FER1L6: variants seen among roughly 807,000 people sequenced by gnomAD.
FER1L6 encodes the protein fer-1 like family member 6.
A neutral mutation model predicts 219.2 loss-of-function variants in FER1L6; 177 were observed. The observed-to-expected ratio is 0.81, with a 90% confidence interval of 0.71 to 0.91. FER1L6 has a LOEUF of 0.91. Ranked by LOEUF, FER1L6 falls within the 40% of genes least tolerant of loss-of-function variation. The probability of loss-of-function intolerance (pLI) is 0.00; values close to 1 mark genes in which losing one functional copy is unlikely to be tolerated. For synonymous variants in FER1L6, 768 were observed against 824.3 expected (o/e 0.93, Z 1.17); for missense variants, 2,153 against 2,259.9 (o/e 0.95, Z 0.96).
At chr8:124,021,517 G>C in intron 16 of FER1L6, 33 bp from the exon 17 acceptor site, 1 of 1,610,934 alleles carries the variant, frequency 6.2e-7, no homozygotes, top group Non-Finnish European at 8.5e-7. Flanking sequence ...CAGATCTCTC[G>C]AAAGACCCAC....
At chr8:124,040,845 A>C (rs1819456363) in intron 20 of FER1L6, 1 of 152,214 alleles carries the variant, frequency 6.6e-6, no homozygotes, top group Non-Finnish European at 1.5e-5. Flanking sequence ...TTGTGAAGGC[A>C]GATCCTTTAT....
chr8:124,027,841 C>T (rs533456810), intron 18 of FER1L6, among the ~76,000 whole-genome samples: 11 of 152,268 alleles, frequency 7.2e-5, no homozygotes, highest in African/African-American at 1.2e-4. Context: ...AGATTACAGA[C>T]GAGAGCCATT....
At chr8:123,988,597 G>C (rs144197923) in intron 12 of FER1L6, among the ~76,000 whole-genome samples, 2,557 of 152,180 alleles carry the variant, frequency 0.017, 65 homozygotes, top group East Asian at 0.049. Flanking sequence ...TTGTAAATGG[G>C]ATTACTTTCT....
chr8:123,933,377 T>C (rs954978686), intron 1 of FER1L6, among the ~76,000 whole-genome samples: 1 of 128,802 alleles, frequency 7.8e-6, no homozygotes. Flanking sequence ...CATATGTGTG[T>C]CTGTGTGTGT....
chr8:123,991,955 G>A lies in FER1L6; in HGVS notation c.1519+5779G>A, dbSNP rs185867453. Among the ~76,000 whole-genome samples the A allele has an allele frequency of 9.9e-5, 15 of 151,974 alleles. No homozygotes were observed. The East Asian group carries it at 2.9e-3, about 29-fold the overall frequency. ...ATTGAATGCTTTTGCTGCATCTTTT[G>A]AGATGATCATATGGTTTTTAATTCT... On this transcript the variant is annotated intron_variant, in intron 12 of 40. Coordinates refer to ENST00000522917, the MANE Select transcript of FER1L6 (RefSeq NM_001039112.2).
Position 124,075,956 on chromosome 8 carries a change from C to A in FER1L6, c.4093-242C>A, listed in dbSNP as rs1417936688. On this transcript the variant is annotated intron_variant, in intron 31 of 40. Transcript: ENST00000522917. The stretch of plus-strand genomic sequence containing the variant: ...GACTCCAGAGAAAGTTGCACTTGGG[C>A]AAAGCCAATAATTTTTCTTTTTAGC... 5.3e-5 allele frequency among the ~76,000 whole-genome samples: 8 copies of A among 152,282 alleles called. No individual in the cohort carries two copies. In the East Asian group the frequency reaches 1.4e-3, roughly 26 times the overall value.
intron 19 of FER1L6, chr8:124,036,020 G>A (rs1039713899): frequency 6.6e-6 from 1 of 152,128 alleles, no homozygotes; most frequent in African/African-American, 2.4e-5. Context: ...TTTATGTTTT[G>A]ATACATTTTT....
chr8:123,994,323 T>C (rs1292015636), intron 12 of FER1L6, among the ~76,000 whole-genome samples: 1 of 152,172 alleles, frequency 6.6e-6, no homozygotes. Flanking sequence ...GCTCTGGCTC[T>C]TCACATGCAG....
intron 39 of FER1L6, among the ~76,000 whole-genome samples, chr8:124,115,776 A>G (rs1206284822): frequency 6.6e-6 from 1 of 152,228 alleles, no homozygotes; most frequent in African/African-American, 2.4e-5. Flanking sequence ...CAGTACAGTG[A>G]GACTTAAAGA....
chr8:123,897,897 T>C (rs1281551156), intron 1 of FER1L6, among the ~76,000 whole-genome samples: 2 of 152,190 alleles, frequency 1.3e-5, no homozygotes, highest in Non-Finnish European at 2.9e-5. Context: ...GTCTCTGTCA[T>C]GACTACTCAA....
chr8:123,898,657 ATG>A (rs1812790389), intron 1 of FER1L6, among the ~76,000 whole-genome samples: 5 of 142,562 alleles, frequency 3.5e-5, no homozygotes, highest in South Asian at 2.1e-4. Context: ...ATATATATAT[ATG>A]TATATATATA....
chr8:124,107,516 G>C (rs764288216), intron 39 of FER1L6, among the ~76,000 whole-genome samples: 5 of 152,280 alleles, frequency 3.3e-5, no homozygotes, highest in African/African-American at 1.2e-4. Context: ...GTTAAGATCC[G>C]TAGAAGCATT....
chr8:123,973,563 G>T (rs1438915949), intron 7 of FER1L6, 51 bp downstream of exon 7: 22 of 1,341,972 alleles, frequency 1.6e-5, no homozygotes, highest in Non-Finnish European at 2.4e-5. Flanking sequence ...TTGGTTTATA[G>T]CACCTGGAGT....
rs1438070087 is a variant in FER1L6, at chr8:124,071,529, C to A, written c.3990C>A (p.Ser1330Arg). ...AGGGCTCCTTCTGCATCTACAAAAG[C>A]CCCCAGGATTCTAGCTCTGAGGACA... ...KFKGSFCIYK[S>R]PQDSSSEDSG... The change falls in exon 31 of 41, where the codon AGC becomes AGA. Residue 1330 changes from serine to arginine, a missense_variant. Ser to Arg is a moderately radical substitution (Grantham distance 110). Coordinates refer to ENST00000522917, the MANE Select transcript of FER1L6 (RefSeq NM_001039112.2). 6.2e-7 allele frequency: 1 copy of A among 1,613,914 alleles called. No individual in the cohort carries two copies. The highest frequency in any genetic ancestry group is 1.3e-5 in the African/African-American group (1 of 74,902).
At chr8:123,954,012 C>T (rs1178030764) in intron 1 of FER1L6, among the ~76,000 whole-genome samples, 1 of 152,200 alleles carries the variant, frequency 6.6e-6, no homozygotes, top group African/African-American at 2.4e-5. Flanking sequence ...AAAATGCTAC[C>T]TCCAAGAAGG....
chr8:124,023,979 C>A (rs1818589588), intron 18 of FER1L6, among the ~76,000 whole-genome samples: 1 of 151,392 alleles, frequency 6.6e-6, no homozygotes, highest in African/African-American at 2.4e-5. Context: ...TCACTGCAAC[C>A]TCCGCCTCCC....
chr8:123,856,069 ATG>A (rs1816635145), intron 1 of FER1L6, among the ~76,000 whole-genome samples: 1 of 123,012 alleles, frequency 8.1e-6, no homozygotes, highest in Non-Finnish European at 1.7e-5. Flanking sequence ...TATGAGATAT[ATG>A]TATATACATA....
intron 1 of FER1L6, among the ~76,000 whole-genome samples, chr8:123,932,621 T>C (rs1289409974): frequency 1.3e-5 from 2 of 152,102 alleles, no homozygotes; most frequent in African/African-American, 4.8e-5. Flanking sequence ...ATTGGCGTAA[T>C]GGTGGGGGGA....
At position 124,069,434 on chromosome 8, in the gene FER1L6, A is replaced by G; in HGVS notation, c.3793A>G (p.Lys1265Glu). 1 of 1,611,810 alleles carries G rather than the reference A, an allele frequency of 6.2e-7. No individual in the cohort carries two copies. The highest frequency in any genetic ancestry group is 8.5e-7 in the Non-Finnish European group (1 of 1,179,290). ...GAAGAAAGACAAAATGCTCAAGAAGAAACCCAAAGATGATGGAATCCCCAA... is the reference window on the plus strand; with the variant it reads ...GAAGAAAGACAAAATGCTCAAGAAGGAACCCAAAGATGATGGAATCCCCAA... Reference protein sequence around the residue: ...KKKKDKMLKKKPKDDGIPNLA... With the variant: ...KKKKDKMLKKEPKDDGIPNLA... The change falls in exon 29 of 41, where the codon AAA becomes GAA. Residue 1265 changes from lysine (K) to glutamate (E), a missense_variant. Transcript: ENST00000522917.
Sources: allele counts gnomAD v4.1 joint callset (sites outside exome capture counted in the v4.1 genomes callset), GRCh38; gene constraint gnomAD v4.1.1; transcripts MANE v1.5; gene names NCBI Gene and HGNC (gene_info 2026-07-23, HGNC 2026-07-21).